Variants in MYO18A observed in about 807,000 individuals in gnomAD.
MYO18A encodes myosin XVIIIA, also known as unconventional myosin-XVIIIa.
In MYO18A, 78 loss-of-function variants were observed where a neutral mutation model predicts 235.8. That is an observed-to-expected ratio of 0.33 (90% CI 0.28 to 0.40). MYO18A has a LOEUF of 0.40. MYO18A is among the 10% of genes least tolerant of loss of function. The pLI, the probability that MYO18A is intolerant of heterozygous loss-of-function variation, is 1.00. For missense variants in MYO18A, 2,215 were observed against 2,699.3 expected (o/e 0.82, Z 3.98); for synonymous variants, 977 against 1,077.8 (o/e 0.91, Z 1.83).
At chr17:29,093,190 G>A in intron 32 of MYO18A, 133 bp downstream of exon 32, 10 of 1,078,086 alleles carry the variant, frequency 9.3e-6, no homozygotes, top group Non-Finnish European at 1.3e-5. Flanking sequence ...TCCCACAAGG[G>A]ATGACGATGG....
chr17:29,079,834 T>C, intron 41 of MYO18A: 1 of 986,036 alleles, frequency 1.0e-6, no homozygotes, highest in Non-Finnish European at 1.2e-6. Context: ...CTGCCCAGTT[T>C]CTTCACTTTC....
intron 37 of MYO18A, among the ~76,000 whole-genome samples, chr17:29,089,511 A>G: frequency 6.6e-6 from 1 of 150,662 alleles, no homozygotes; most frequent in South Asian, 2.1e-4. Flanking sequence ...AAAAGCAGAG[A>G]CAGGAGGGCA....
At chr17:29,113,856 C>A (rs1392094353) in intron 15 of MYO18A, among the ~76,000 whole-genome samples, 155 bp downstream of exon 15, 1 of 152,188 alleles carries the variant, frequency 6.6e-6, no homozygotes, top group East Asian at 1.9e-4. Context: ...AGCCCCAGCA[C>A]CAGAGAGTAG....
intron 41 of MYO18A, among the ~76,000 whole-genome samples, chr17:29,081,314 C>A (rs1568036441): frequency 2.0e-5 from 3 of 152,222 alleles, no homozygotes; most frequent in Non-Finnish European, 4.4e-5. Flanking sequence ...TCATTGTCAA[C>A]TACCTGGAGC....
At chr17:29,116,008 C>G (rs1159510847) in intron 11 of MYO18A, among the ~76,000 whole-genome samples, 168 bp from the exon 12 acceptor site, 5 of 152,244 alleles carry the variant, frequency 3.3e-5, no homozygotes, top group Non-Finnish European at 5.9e-5. Flanking sequence ...CCAGCATTTC[C>G]TGTGTCCCGT....
Position 29,074,220 on chromosome 17 carries a change from C to T in MYO18A, c.*550G>A. 1 of 1,569,068 alleles carries T rather than the reference C, an allele frequency of 6.4e-7. No homozygotes were observed. Among genetic ancestry groups the T allele is most frequent in the Non-Finnish European group, 8.7e-7 (1 of 1,153,192 alleles). The stretch of plus-strand genomic sequence containing the variant: ...GACATTCCCGAGTCGTTCTTGGGAG[C>T]CCCAGCTACCACTACAGCCCCCTCC... On this transcript the variant is annotated 3_prime_UTR_variant, in exon 42 of 42. Transcript: ENST00000527372. This position sits in a 1 kb window ranked among gnomAD's most constrained non-coding sequence, Gnocchi z 4.4.
intron 40 of MYO18A, 29 bp downstream of exon 40, chr17:29,085,575 G>A (rs1472166794): frequency 6.2e-7 from 1 of 1,611,938 alleles, no homozygotes; most frequent in Admixed American, 1.7e-5. Context: ...GCGAGGACAG[G>A]CAGAGAGCAC....
chr17:29,087,974 C>T (rs2066296885), intron 37 of MYO18A, among the ~76,000 whole-genome samples: 1 of 151,810 alleles, frequency 6.6e-6, no homozygotes, highest in Non-Finnish European at 1.5e-5. Context: ...AGGCAACCCA[C>T]TTAACCCTTC....
chr17:29,119,553 A>ATTTTTT, intron 7 of MYO18A, 118 bp from the exon 8 acceptor site: 1 of 433,302 alleles, frequency 2.3e-6, no homozygotes, highest in Non-Finnish European at 4.0e-6. Flanking sequence ...AAGCAGCTGC[A>ATTTTTT]TTTTTTTTTT....
intron 41 of MYO18A, chr17:29,075,657 CT>C (rs2065955761): frequency 6.0e-6 from 1 of 166,210 alleles, no homozygotes; most frequent in African/African-American, 2.4e-5. Flanking sequence ...CCTCTTCCCC[CT>C]GATGGAGCAG....
intron 34 of MYO18A, chr17:29,091,785 A>G (rs1454745823): frequency 2.4e-6 from 1 of 410,318 alleles, no homozygotes; most frequent in African/African-American, 2.1e-5. Flanking sequence ...GGGCCTGCCC[A>G]CTGGGGTGGG....
rs73988910 is a variant in MYO18A, at chr17:29,094,279, G to A, written c.4711-189C>T. 5.1e-3 allele frequency: 3,069 copies of A among 605,686 alleles called. 73 individuals are homozygous for A. The African/African-American group carries it at 0.051, about 10-fold the overall frequency. 37.5% of individuals were successfully genotyped at this position (605,686 alleles called of 1,614,324 possible). ...ACTCCCTTACTAGAGGTCTGGCATA[G>A]GCCCACAGAGAGGCAGCTGGGGTGG... On this transcript the variant is annotated intron_variant, in intron 30 of 41. Coordinates refer to ENST00000527372, the MANE Select transcript of MYO18A (RefSeq NM_078471.4).
At chr17:29,099,874 C>G (rs914209088) in intron 21 of MYO18A, 112 bp from the exon 22 acceptor site, 181 of 1,423,504 alleles carry the variant, frequency 1.3e-4, no homozygotes, top group Non-Finnish European at 6.1e-5. Flanking sequence ...CAGCCCTTGG[C>G]TTGGGAAGAG....
intron 37 of MYO18A, 72 bp downstream of exon 37, chr17:29,089,889 T>G: frequency 6.3e-7 from 1 of 1,589,132 alleles, no homozygotes; most frequent in Non-Finnish European, 8.6e-7. Context: ...CCAGCCCTGC[T>G]GAGCATGCGC....
intron 26 of MYO18A, 80 bp from the exon 27 acceptor site, chr17:29,097,430 G>A: frequency 6.4e-7 from 1 of 1,560,132 alleles, no homozygotes; most frequent in Non-Finnish European, 8.7e-7. Context: ...GGATGGGGCA[G>A]GGGGAGCAGC....
chr17:29,074,064 G>A lies in MYO18A; in HGVS notation c.*706C>T, dbSNP rs1008599842. The A allele has an allele frequency of 6.2e-7, 1 of 1,613,830 alleles. No homozygotes were observed. The highest frequency in any genetic ancestry group is 1.3e-5 in the African/African-American group (1 of 74,780). On this transcript the variant is annotated 3_prime_UTR_variant, in exon 42 of 42. Coordinates refer to ENST00000527372, the MANE Select transcript of MYO18A (RefSeq NM_078471.4). The surrounding 1 kb of genome is among the most constrained non-coding windows in gnomAD (Gnocchi z 4.4). ...CACACACACTTGTCTGCGTAGGCTT[G>A]CTCAACCCAGCCCAGCAGCACCGGA...
chr17:29,119,289 G>T, intron 8 of MYO18A, 46 bp downstream of exon 8: 2 of 1,455,988 alleles, frequency 1.4e-6, no homozygotes, highest in Non-Finnish European at 1.9e-6. Flanking sequence ...CCCAGTCAGT[G>T]GGCTGGAGTT....
chr17:29,145,139 T>C (rs1424539349), intron 2 of MYO18A, among the ~76,000 whole-genome samples: 1 of 152,230 alleles, frequency 6.6e-6, no homozygotes, highest in Non-Finnish European at 1.5e-5. Flanking sequence ...GTTGAATGTT[T>C]AAGCCTGCTC....
At position 29,125,413 on chromosome 17, in the gene MYO18A, C is replaced by G. The variant is rs2067298044; in HGVS notation, c.1000-3160G>C. 6.6e-6 allele frequency among the ~76,000 whole-genome samples: 1 copy of G among 152,272 alleles called. No individual in the cohort carries two copies. Among genetic ancestry groups the G allele is most frequent in the Non-Finnish European group, 1.5e-5 (1 of 68,046 alleles). On this transcript the variant is annotated intron_variant, in intron 2 of 41. Coordinates refer to ENST00000527372, the MANE Select transcript of MYO18A (RefSeq NM_078471.4). The surrounding 1 kb of genome is among the most constrained non-coding windows in gnomAD (Gnocchi z 5.1). ...AGAGCAAAGGCACTGTGGGCAAACCCTGTGGCCAGCCGTGACCTCTCTGGT... is the reference window on the plus strand; with the variant it reads ...AGAGCAAAGGCACTGTGGGCAAACCGTGTGGCCAGCCGTGACCTCTCTGGT...
Sources: gnomAD v4.1 joint callset for allele counts (sites outside exome capture counted in the v4.1 genomes callset) on GRCh38, gnomAD v4.1.1 for gene constraint, Gnocchi (gnomAD v3.1) non-coding constraint, MANE v1.5 for transcripts, NCBI Gene and HGNC (gene_info 2026-07-23, HGNC 2026-07-21) for gene names.